ASPA: variants seen among roughly 807,000 people sequenced by gnomAD.
ASPA encodes the protein ACY-2.
In ASPA, 25 loss-of-function variants were observed where a neutral mutation model predicts 29.6. That is an observed-to-expected ratio of 0.85 (90% CI 0.62 to 1.18). ASPA has a LOEUF of 1.18. Ranked by LOEUF, ASPA falls within the 50% of genes most tolerant of loss-of-function variation. ASPA has a pLI of 0.00. For missense variants in ASPA, 333 were observed against 385.7 expected (o/e 0.86, Z 1.14); for synonymous variants, 131 against 130.3 (o/e 1.01, Z -0.04).
At chr17:3,483,970 T>C (rs768948382) in intron 3 of ASPA, among the ~76,000 whole-genome samples, 2 of 152,132 alleles carry the variant, frequency 1.3e-5, no homozygotes, top group African/African-American at 2.4e-5. Context: ...AAATTATTTT[T>C]AAAAAAACAT....
At chr17:3,498,806 AT>A (rs2073951812) in intron 5 of ASPA, 84 bp from the exon 6 acceptor site, 7 of 1,255,408 alleles carry the variant, frequency 5.6e-6, no homozygotes, top group Non-Finnish European at 7.5e-6. Context: ...GAATACTGTA[AT>A]TTGTTAGTTG....
rs1224621620 is a variant in ASPA at position 3,492,113 on chromosome 17, G to A, written c.635-2237G>A. 2.0e-5 allele frequency among the ~76,000 whole-genome samples: 3 copies of A among 152,286 alleles called. No homozygotes were observed. The East Asian group carries it at 5.8e-4, about 30-fold the overall frequency. ...GCTGGTCTTGAACTCCTGAGCTCAA[G>A]CAATCTGCCTGCCTCGGCTTCCCAA... On this transcript the variant is annotated intron_variant, in intron 4 of 5. Transcript: ENST00000263080.
At chr17:3,482,843 G>C (rs1403725401) in intron 2 of ASPA, among the ~76,000 whole-genome samples, 1 of 151,160 alleles carries the variant, frequency 6.6e-6, no homozygotes, top group Non-Finnish European at 1.5e-5. Flanking sequence ...ACCATGTGCA[G>C]GTTTGTTACA....
chr17:3,483,424 T>C, intron 2 of ASPA, 75 bp from the exon 3 acceptor site: 2 of 1,250,558 alleles, frequency 1.6e-6, no homozygotes, highest in Non-Finnish European at 2.4e-6. Context: ...ATTGAAGGTA[T>C]TATTGACTCT....
At chr17:3,479,303 AG>A (rs1272605590) in intron 1 of ASPA, among the ~76,000 whole-genome samples, 1 of 152,226 alleles carries the variant, frequency 6.6e-6, no homozygotes. Flanking sequence ...GGTAGATACT[AG>A]CACCATTTAC....
chr17:3,476,493 A>T, intron 1 of ASPA, 98 bp downstream of exon 1: 1 of 1,079,618 alleles, frequency 9.3e-7, no homozygotes, highest in Non-Finnish European at 1.4e-6. Context: ...ATGATAATTC[A>T]TGTCCGTACA....
At position 3,502,810 on chromosome 17, in the gene ASPA, C is replaced by T. The variant is rs2074006707; in HGVS notation, c.*3722C>T. 6.6e-6 allele frequency: 1 copy of T among 152,236 alleles called. No homozygotes were observed. Among genetic ancestry groups the T allele is most frequent in the Non-Finnish European group, 1.5e-5 (1 of 68,052 alleles). The allele number at this position is 152,236 out of a possible 1,614,324, so 9.4% of individuals were successfully genotyped here. On this transcript the variant is annotated 3_prime_UTR_variant, in exon 6 of 6. Coordinates refer to ENST00000263080, the MANE Select transcript of ASPA (RefSeq NM_000049.4). Reference sequence around the variant, plus strand: ...GGCCTATTCTTCACAGCTGTCACTTCTCATTTTGAAAGAATATGCCCACCC... The same window carrying T: ...GGCCTATTCTTCACAGCTGTCACTTTTCATTTTGAAAGAATATGCCCACCC...
intron 5 of ASPA, among the ~76,000 whole-genome samples, chr17:3,497,121 T>C (rs1169776595): frequency 6.6e-6 from 1 of 152,136 alleles, no homozygotes; most frequent in Non-Finnish European, 1.5e-5. Flanking sequence ...TCTGATCTAA[T>C]TCATCAGGGT....
chr17:3,479,532 C>T (rs1391407619), intron 1 of ASPA, among the ~76,000 whole-genome samples: 1 of 152,182 alleles, frequency 6.6e-6, no homozygotes, highest in African/African-American at 2.4e-5. Flanking sequence ...CACATGATAT[C>T]ATCAATGCCA....
At position 3,502,604 on chromosome 17, in the gene ASPA, A is replaced by G. The variant is rs1442558475; in HGVS notation, c.*3516A>G. The G allele has an allele frequency of 6.6e-6, 1 of 152,240 alleles. No individual in the cohort carries two copies. The highest frequency in any genetic ancestry group is 1.5e-5 in the Non-Finnish European group (1 of 68,036). 9.4% of individuals were successfully genotyped at this position (152,240 alleles called of 1,614,324 possible). ...AAACAAGGGCTTAATGGTAAAGATG[A>G]CATATGACTATATTAAGAAACTGAA... On this transcript the variant is annotated 3_prime_UTR_variant, in exon 6 of 6. Transcript: ENST00000263080.
rs1567620352 is a variant in ASPA, at chr17:3,499,447, CTGTA to C, written c.*360_*363del. ...TTTGCCTTACTACACTTCACGGATA[CTGTA>C]CTTGTACTTTTTTTCCAAATTGAAG... On this transcript the variant is annotated 3_prime_UTR_variant, in exon 6 of 6. Transcript: ENST00000263080. The C allele has an allele frequency of 1.3e-5, 2 of 155,896 alleles. No individual in the cohort carries two copies. Among genetic ancestry groups the C allele is most frequent in the Non-Finnish European group, 2.8e-5 (2 of 70,888 alleles). 9.7% of individuals were successfully genotyped at this position (155,896 alleles called of 1,614,324 possible). A position where few individuals can be genotyped will look rare whatever the true frequency, so the allele number is the denominator to read the frequency against.
chr17:3,501,151 G>GGAGAAAAAA lies in ASPA; in HGVS notation c.*2066_*2074dup, dbSNP rs1333824491. On this transcript the variant is annotated 3_prime_UTR_variant, in exon 6 of 6. Transcript: ENST00000263080. ...GAAATACATTTCAGGCTGGGGGAGGGGAGAAAAAAGAAAAAAAAGAAAGGA... is the reference window on the plus strand; with the variant it reads ...GAAATACATTTCAGGCTGGGGGAGGGGAGAAAAAAGAGAAAAAAGAAAAAAAAGAAAGGA... 1.3e-5 allele frequency: 2 copies of GGAGAAAAAA among 151,644 alleles called. No homozygotes were observed. Among genetic ancestry groups the GGAGAAAAAA allele is most frequent in the Admixed American group, 6.6e-5 (1 of 15,182 alleles). The allele number at this position is 151,644 out of a possible 1,614,324, so 9.4% of individuals were successfully genotyped here. A position where few individuals can be genotyped will look rare whatever the true frequency, so the allele number is the denominator to read the frequency against.
chr17:3,494,906 A>G (rs185864513), intron 5 of ASPA, among the ~76,000 whole-genome samples: 1 of 152,320 alleles, frequency 6.6e-6, no homozygotes, highest in East Asian at 1.9e-4. Context: ...CCATGTAGCT[A>G]TCAATGACAG....
In ASPA at chr17:3,498,934, T is replaced by C. The variant is rs755061005; in HGVS notation, c.788T>C (p.Leu263Ser). The C allele has an allele frequency of 1.2e-5, 20 of 1,610,248 alleles. No homozygotes were observed. The highest frequency in any genetic ancestry group is 1.7e-5 in the Non-Finnish European group (20 of 1,177,624). Residue 263 changes from leucine to serine, a missense_variant, in exon 6 of 6, where the codon TTA (leucine) becomes TCA (serine). Physicochemically the swap from Leu to Ser is moderately radical, Grantham distance 145. Coordinates refer to ENST00000263080, the MANE Select transcript of ASPA (RefSeq NM_000049.4). ...KPLHPGDPMF[L>S]TLDGKTIPLG... ...CTGCATCCTGGGGATCCCATGTTTT[T>C]AACTCTTGATGGGAAGACGATCCCA...
rs867725786 is a variant in ASPA, at chr17:3,485,933, C to G, written c.526+2341C>G. On this transcript the variant is annotated intron_variant, in intron 3 of 5. Coordinates refer to ENST00000263080, the MANE Select transcript of ASPA (RefSeq NM_000049.4). This position sits in a 1 kb window ranked among gnomAD's most constrained non-coding sequence, Gnocchi z 4.4. ...CCAGTGGTTGCATTCTAGGAGGGAA[C>G]CTTTTTTTTTTTTTTTGAGACGGAG... is the stretch of plus-strand genomic sequence containing the variant. Among the ~76,000 whole-genome samples, 1 of 96,282 alleles carries G rather than the reference C, an allele frequency of 1.0e-5. No homozygotes were observed. Among genetic ancestry groups the G allele is most frequent in the African/African-American group, 3.2e-5 (1 of 30,998 alleles). The allele number at this position is 96,282 out of a possible 152,430, so 63.2% of individuals were successfully genotyped here.
At chr17:3,496,223 G>T (rs1276490283) in intron 5 of ASPA, among the ~76,000 whole-genome samples, 2 of 152,184 alleles carry the variant, frequency 1.3e-5, no homozygotes, top group African/African-American at 2.4e-5. Flanking sequence ...CTCATTCTGG[G>T]CCTTGAGATT....
chr17:3,489,088 G>A (rs1417218977), intron 3 of ASPA, 147 bp from the exon 4 acceptor site: 1 of 574,870 alleles, frequency 1.7e-6, no homozygotes, highest in East Asian at 3.0e-5. Flanking sequence ...CAAACATTAT[G>A]TCTCAAATAT....
chr17:3,501,313 G>A lies in ASPA; in HGVS notation c.*2225G>A, dbSNP rs560094700. The A allele has an allele frequency of 6.6e-6, 1 of 152,346 alleles. No individual in the cohort carries two copies. The highest frequency in any genetic ancestry group is 1.9e-4 in the East Asian group (1 of 5,192). The allele number at this position is 152,346 out of a possible 1,614,324, so 9.4% of individuals were successfully genotyped here. ...TTAAGAACATTCAGGATCCGTGGGA[G>A]GAGATCAAAATATCAACATTAACAG... On this transcript the variant is annotated 3_prime_UTR_variant, in exon 6 of 6. Coordinates refer to ENST00000263080, the MANE Select transcript of ASPA (RefSeq NM_000049.4).
rs555763601 is a variant in ASPA at position 3,497,677 on chromosome 17, C to T, written c.745-1214C>T. 3.3e-4 allele frequency among the ~76,000 whole-genome samples: 50 copies of T among 152,274 alleles called. 1 individual carries two copies. The highest frequency in any genetic ancestry group is 1.1e-3 in the African/African-American group (46 of 41,546). ...CAGGATGGAGAAAACTGCGGTGATG[C>T]GGCACTTCCCAAACACTAATGTCGT... On this transcript the variant is annotated intron_variant, in intron 5 of 5. Transcript: ENST00000263080.
Sources: allele counts gnomAD v4.1 joint callset (sites outside exome capture counted in the v4.1 genomes callset), GRCh38; gene constraint gnomAD v4.1.1; non-coding constraint Gnocchi (gnomAD v3.1); transcripts MANE v1.5; gene names NCBI Gene and HGNC (gene_info 2026-07-23, HGNC 2026-07-21).